Variants in SAMSN1 observed in about 807,000 individuals in gnomAD.
SAMSN1 encodes the protein SAM domain-containing protein SAMSN-1.
SAMSN1 carries 31 observed loss-of-function variants against 42.0 expected under a neutral mutation model. That is an observed-to-expected ratio of 0.74 (90% CI 0.55 to 1.00). The LOEUF (loss-of-function observed/expected upper bound fraction) is 1.00. Among genes scored for constraint, SAMSN1 ranks in the 50% least tolerant of loss-of-function variants. The pLI, the probability that SAMSN1 is intolerant of heterozygous loss-of-function variation, is 0.00. For missense variants in SAMSN1, 464 were observed against 439.4 expected, an observed-to-expected ratio of 1.06 and a Z score of -0.50; for synonymous variants, 178 against 151.9, an observed-to-expected ratio of 1.17 and a Z score of -1.26.
chr21:14,612,860 C>A, intron 4 of SAMSN1: 1 of 706,172 alleles, frequency 1.4e-6, no homozygotes, highest in Non-Finnish European at 2.6e-6. Context: ...CACTTGTAAC[C>A]TTAGGAATCA....
intron 7 of SAMSN1, among the ~76,000 whole-genome samples, chr21:14,489,467 T>A (rs1367148045): frequency 6.6e-6 from 1 of 152,184 alleles, no homozygotes; most frequent in African/African-American, 2.4e-5. Flanking sequence ...GTCATCCACA[T>A]TGTTTTTAAT....
At chr21:14,561,514 A>T (rs1311293183) in intron 2 of SAMSN1, among the ~76,000 whole-genome samples, 2 of 152,170 alleles carry the variant, frequency 1.3e-5, no homozygotes, top group Admixed American at 1.3e-4. Flanking sequence ...AATGTGTATG[A>T]TAAATAAGGA....
At chr21:14,504,910 A>G (rs537121845) in intron 5 of SAMSN1, among the ~76,000 whole-genome samples, 5 of 152,328 alleles carry the variant, frequency 3.3e-5, no homozygotes, top group African/African-American at 7.2e-5. Flanking sequence ...CTCAGCAGAA[A>G]CCCAACACGC....
chr21:14,595,293 A>G (rs1305026861), intron 6 of SAMSN1, among the ~76,000 whole-genome samples: 1 of 152,144 alleles, frequency 6.6e-6, no homozygotes, highest in Non-Finnish European at 1.5e-5. Flanking sequence ...GAGGGCCCTC[A>G]TGAATGGAAT....
intron 1 of SAMSN1, among the ~76,000 whole-genome samples, chr21:14,527,371 G>A (rs1419235958): frequency 2.0e-5 from 3 of 152,160 alleles, no homozygotes; most frequent in African/African-American, 7.2e-5. Flanking sequence ...GTGTCACGTG[G>A]TACCAGTGGA....
intron 5 of SAMSN1, among the ~76,000 whole-genome samples, chr21:14,508,758 C>T (rs541666736): frequency 2.6e-5 from 4 of 152,286 alleles, no homozygotes; most frequent in African/African-American, 9.6e-5. Context: ...CTTGCACACA[C>T]GTTTGTGGCA....
intron 1 of SAMSN1, among the ~76,000 whole-genome samples, chr21:14,530,316 C>CAAAAAAAAAAAAAAA (rs71183428): frequency 1.3e-5 from 1 of 75,748 alleles, no homozygotes. Context: ...GACTCCGTCT[C>CAAAAAAAAAAAAAAA]AAAAAAAAAA....
chr21:14,516,741 A>G (rs1270803560), intron 3 of SAMSN1, 151 bp downstream of exon 3: 1 of 605,584 alleles, frequency 1.7e-6, no homozygotes, highest in Non-Finnish European at 2.7e-6. Context: ...TGAAAGTAAT[A>G]CTTCCTTCCA....
intron 2 of SAMSN1, among the ~76,000 whole-genome samples, chr21:14,561,884 G>A (rs1980957645): frequency 6.6e-6 from 1 of 152,166 alleles, no homozygotes; most frequent in South Asian, 2.1e-4. Flanking sequence ...ATGAATCAAG[G>A]AATGCCTAAT....
chr21:14,485,819 A>T lies in SAMSN1; in HGVS notation c.*93T>A. The stretch of plus-strand genomic sequence containing the variant: ...TTTAAACTTTAGGTTTTATTTACAA[A>T]TATTTATCTTATCTTCCTCTCCTAT... On this transcript the variant is annotated 3_prime_UTR_variant, in exon 8 of 8. Transcript: ENST00000400566. 2.0e-6 allele frequency: 2 copies of T among 989,690 alleles called. No homozygotes were observed. The highest frequency in any genetic ancestry group is 3.1e-6 in the Non-Finnish European group (2 of 638,024). 61.3% of individuals were successfully genotyped at this position (989,690 alleles called of 1,614,324 possible).
intron 4 of SAMSN1, among the ~76,000 whole-genome samples, chr21:14,511,125 C>T (rs1032125994): frequency 2.6e-5 from 4 of 152,188 alleles, no homozygotes; most frequent in African/African-American, 9.7e-5. Context: ...TTCACATCTT[C>T]CTTCAGTCAA....
chr21:14,586,063 G>A (rs531918565), upstream of SAMSN1, among the ~76,000 whole-genome samples: 26 of 151,934 alleles, frequency 1.7e-4, 1 homozygote, highest in South Asian at 3.1e-3. Context: ...AGGAGATGGA[G>A]ACCATCCTGG....
intron 2 of SAMSN1, among the ~76,000 whole-genome samples, chr21:14,631,407 G>C (rs1413846214): frequency 1.3e-5 from 2 of 152,144 alleles, no homozygotes; most frequent in African/African-American, 4.8e-5. Flanking sequence ...GGATTTGTTT[G>C]TTTGTTTGTT....
chr21:14,506,433 A>G (rs1987408621), intron 5 of SAMSN1, among the ~76,000 whole-genome samples: 1 of 152,200 alleles, frequency 6.6e-6, no homozygotes, highest in Non-Finnish European at 1.5e-5. Flanking sequence ...TGCATAAACT[A>G]GAAAACCTAG....
chr21:14,547,676 T>C (rs569654845), upstream of SAMSN1, among the ~76,000 whole-genome samples: 1 of 152,252 alleles, frequency 6.6e-6, no homozygotes, highest in African/African-American at 2.4e-5. Flanking sequence ...CTCACACTTC[T>C]AAGCTCCACC....
At chr21:14,650,986 CA>C (rs768485854) in intron 1 of SAMSN1, among the ~76,000 whole-genome samples, 1 of 151,600 alleles carries the variant, frequency 6.6e-6, no homozygotes, top group Non-Finnish European at 1.5e-5. Context: ...AGAGGAAATC[CA>C]AAACCTGAAA....
rs542331565 is a variant in SAMSN1 at position 14,567,885 on chromosome 21, A to G, written c.261+14251T>C. On this transcript the variant is annotated intron_variant, in intron 2 of 8. Transcript: ENST00000285670. ...AGGATTGTTGTACCTTCTGGATTTA[A>G]TAACTTGTGAAAATAATATACATAT... Among the ~76,000 whole-genome samples the G allele has an allele frequency of 4.6e-5, 7 of 152,274 alleles. No individual in the cohort carries two copies. In the South Asian group the frequency reaches 1.5e-3, roughly 32 times the overall value.
At chr21:14,501,491 C>G (rs1292446593) in intron 5 of SAMSN1, among the ~76,000 whole-genome samples, 1 of 152,154 alleles carries the variant, frequency 6.6e-6, no homozygotes, top group Non-Finnish European at 1.5e-5. Context: ...AATTGATGCT[C>G]TTTTTATTTA....
chr21:14,578,716 T>G (rs7281229), intron 2 of SAMSN1, among the ~76,000 whole-genome samples: 4 of 143,346 alleles, frequency 2.8e-5, no homozygotes, highest in African/African-American at 1.0e-4. Context: ...GACCCCAAGA[T>G]TGTACTATTC....
Sources: allele counts gnomAD v4.1 joint callset (sites outside exome capture counted in the v4.1 genomes callset), GRCh38; gene constraint gnomAD v4.1.1; transcripts MANE v1.5; gene names NCBI Gene and HGNC (gene_info 2026-07-23, HGNC 2026-07-21).